GREB1L: variants seen among roughly 807,000 people sequenced by gnomAD.
GREB1L encodes GREB1-like protein.
A neutral mutation model predicts 200.8 loss-of-function variants in GREB1L; 17 were observed. The ratio of observed to expected loss-of-function variants is 0.08; its 90% CI spans 0.06 to 0.13. The LOEUF (loss-of-function observed/expected upper bound fraction) is 0.13. Ranked by LOEUF, GREB1L falls within the 10% of genes least tolerant of loss-of-function variation. The pLI, the probability that GREB1L is intolerant of heterozygous loss-of-function variation, is 1.00. For missense variants in GREB1L, 1,657 were observed against 2,367.7 expected (o/e 0.70, Z 6.23); for synonymous variants, 789 against 893.0 (o/e 0.88, Z 2.08).
intron 1 of GREB1L, among the ~76,000 whole-genome samples, chr18:21,316,037 G>C (rs1305499481): frequency 1.3e-5 from 2 of 152,100 alleles, no homozygotes; most frequent in Admixed American, 1.3e-4. Context: ...CCTTTTCATC[G>C]TGGCATTTCA....
At chr18:21,297,512 G>A (rs1178469938) in intron 1 of GREB1L, among the ~76,000 whole-genome samples, 1 of 152,148 alleles carries the variant, frequency 6.6e-6, no homozygotes, top group Non-Finnish European at 1.5e-5. Context: ...TGTTATGTGT[G>A]TCATGTTGTG....
intron 1 of GREB1L, among the ~76,000 whole-genome samples, chr18:21,323,853 T>C (rs2144948252): frequency 6.6e-6 from 1 of 152,354 alleles, no homozygotes; most frequent in South Asian, 2.1e-4. Flanking sequence ...TATAAATTAA[T>C]ATAATTTCTG....
chr18:21,505,586 G>A lies in GREB1L; in HGVS notation c.4228+19G>A. ...AAACAAGGTCAGTGCAATCAGCCAA[G>A]TTCACCTCCTCTCTGGGTTAAGGGG... On this transcript the variant is annotated intron_variant, in intron 24 of 32. Transcript: ENST00000424526. 2 of 1,550,780 alleles carry A rather than the reference G, an allele frequency of 1.3e-6. No individual in the cohort carries two copies. Among genetic ancestry groups the A allele is most frequent in the Non-Finnish European group, 1.7e-6 (2 of 1,146,270 alleles).
intron 7 of GREB1L, among the ~76,000 whole-genome samples, chr18:21,435,578 A>G (rs776902381): frequency 2.6e-5 from 4 of 152,196 alleles, no homozygotes; most frequent in African/African-American, 4.8e-5. Context: ...TCACTGTACA[A>G]AGGAGTAGAG....
chr18:21,471,674 T>C (rs1347399461), intron 15 of GREB1L, among the ~76,000 whole-genome samples: 1 of 149,766 alleles, frequency 6.7e-6, no homozygotes, highest in Non-Finnish European at 1.5e-5. Context: ...CAGGCTGGAG[T>C]GCAGTGGTGT....
At position 21,449,844 on chromosome 18, in the gene GREB1L, A is replaced by AT. The variant is rs1488253222; in HGVS notation, c.1720+15dup. The AT allele has an allele frequency of 4.7e-6, 7 of 1,488,168 alleles. No individual in the cohort carries two copies. The highest frequency in any genetic ancestry group is 1.8e-4 in the Middle Eastern group (1 of 5,694). The allele number at this position is 1,488,168 out of a possible 1,614,324, so 92.2% of individuals were successfully genotyped here. The stretch of plus-strand genomic sequence containing the variant: ...TTTGTGTGGTAGTGTTAGGTGAGTA[A>AT]TTTTTTTGTTTTTTGTTTGTTTAAT... On this transcript the variant is annotated intron_variant, in intron 12 of 32. Coordinates refer to ENST00000424526, the MANE Select transcript of GREB1L (RefSeq NM_001142966.3).
chr18:21,350,606 G>A (rs1214722850), intron 1 of GREB1L, among the ~76,000 whole-genome samples: 1 of 152,084 alleles, frequency 6.6e-6, no homozygotes, highest in African/African-American at 2.4e-5. Context: ...TATTGAGTTT[G>A]ACAGGATGGC....
chr18:21,495,049 G>GT (rs148947186), intron 19 of GREB1L, among the ~76,000 whole-genome samples: 1,867 of 152,118 alleles, frequency 0.012, 41 homozygotes, highest in African/African-American at 0.043. Context: ...TCGTTTTGTT[G>GT]TTTTTTTCTC....
chr18:21,248,199 G>A (rs1249685749), intron 1 of GREB1L, among the ~76,000 whole-genome samples: 1 of 152,126 alleles, frequency 6.6e-6, no homozygotes. Context: ...CAAGACACTT[G>A]TAAAGTAATA....
chr18:21,307,000 A>G (rs1376560771), intron 1 of GREB1L, among the ~76,000 whole-genome samples: 1 of 152,124 alleles, frequency 6.6e-6, no homozygotes, highest in Non-Finnish European at 1.5e-5. Flanking sequence ...CCATTATTCC[A>G]TTGTGTTATT....
intron 1 of GREB1L, among the ~76,000 whole-genome samples, chr18:21,306,931 A>G (rs966573977): frequency 3.3e-5 from 5 of 152,166 alleles, no homozygotes; most frequent in African/African-American, 1.2e-4. Flanking sequence ...AAAGATGGTG[A>G]TATGTTTTAT....
In GREB1L at chr18:21,520,221, G is replaced by T. The variant is rs1188053957; in HGVS notation, c.5473-467G>T. 2.0e-5 allele frequency among the ~76,000 whole-genome samples: 3 copies of T among 152,076 alleles called. No individual in the cohort carries two copies. In the East Asian group the frequency reaches 5.8e-4, roughly 29 times the overall value. The stretch of plus-strand genomic sequence containing the variant: ...CTCTCAAAGGGCTGGGATTACAGGC[G>T]TGAGCCACCGCACCCAGCCCATGCA... On this transcript the variant is annotated intron_variant, in intron 31 of 32. Coordinates refer to ENST00000424526, the MANE Select transcript of GREB1L (RefSeq NM_001142966.3).
chr18:21,408,044 G>A (rs577297317), intron 7 of GREB1L, among the ~76,000 whole-genome samples: 12 of 152,280 alleles, frequency 7.9e-5, no homozygotes, highest in African/African-American at 2.9e-4. Flanking sequence ...AAGTTCTAGT[G>A]TTTGATAGCA....
chr18:21,502,766 C>T (rs962453763), intron 23 of GREB1L, among the ~76,000 whole-genome samples: 10 of 152,158 alleles, frequency 6.6e-5, no homozygotes, highest in South Asian at 4.1e-4. Flanking sequence ...CCAAGCAGAC[C>T]GGGAGTCGAG....
chr18:21,509,129 G>T (rs752538623), intron 27 of GREB1L, among the ~76,000 whole-genome samples: 14 of 152,226 alleles, frequency 9.2e-5, no homozygotes, highest in Non-Finnish European at 1.8e-4. Flanking sequence ...TAAGAGCAAT[G>T]CGCTGATTTC....
intron 15 of GREB1L, among the ~76,000 whole-genome samples, chr18:21,464,717 C>A (rs1204772068): frequency 6.6e-6 from 1 of 152,088 alleles, no homozygotes; most frequent in Non-Finnish European, 1.5e-5. Context: ...ATGAGACAAA[C>A]TGACATTATG....
At chr18:21,445,197 G>C (rs1281242825) in intron 11 of GREB1L, among the ~76,000 whole-genome samples, 1 of 152,210 alleles carries the variant, frequency 6.6e-6, no homozygotes. Context: ...AGATGTGGCC[G>C]GGCACGGTGG....
intron 7 of GREB1L, among the ~76,000 whole-genome samples, chr18:21,415,773 A>C (rs572341137): frequency 6.6e-6 from 1 of 152,350 alleles, no homozygotes; most frequent in African/African-American, 2.4e-5. Context: ...CAGATAATAC[A>C]TAGCCCTAGA....
intron 23 of GREB1L, 113 bp downstream of exon 23, chr18:21,500,755 A>G (rs2036754539): frequency 1.4e-6 from 1 of 700,892 alleles, no homozygotes; most frequent in East Asian, 2.9e-5. Flanking sequence ...TAACCTGCAG[A>G]GTTATTGGGA....
Sources: allele counts gnomAD v4.1 joint callset (sites outside exome capture counted in the v4.1 genomes callset), GRCh38; gene constraint gnomAD v4.1.1; transcripts MANE v1.5; gene names NCBI Gene and HGNC (gene_info 2026-07-23, HGNC 2026-07-21).